The following RGS20 variants were observed in gnomAD, a reference collection of about 807,000 sequenced individuals.
RGS20 encodes the protein gz-selective GTPase-activating protein.
RGS20 carries 30 observed loss-of-function variants against 33.6 expected under a neutral mutation model. That is an observed-to-expected ratio of 0.89 (90% CI 0.67 to 1.21). The LOEUF (loss-of-function observed/expected upper bound fraction) is 1.21, where lower values mean the gene tolerates loss of function less well. Among genes scored for constraint, RGS20 ranks in the 50% most tolerant of loss-of-function variants. The pLI is 0.00. For missense variants in RGS20, 472 were observed against 502.4 expected (o/e 0.94, Z 0.58); for synonymous variants, 208 against 197.9 (o/e 1.05, Z -0.43).
intron 2 of RGS20, among the ~76,000 whole-genome samples, chr8:53,892,064 C>T (rs1446036810): frequency 2.0e-5 from 3 of 152,044 alleles, no homozygotes; most frequent in Admixed American, 6.6e-5. Flanking sequence ...CAACAGTCCC[C>T]GGAGTGTGAT....
chr8:53,875,452 CA>C (rs1563350709), intron 1 of RGS20, among the ~76,000 whole-genome samples: 1 of 142,218 alleles, frequency 7.0e-6, no homozygotes, highest in Non-Finnish European at 1.5e-5. Context: ...AAAAAAAAAC[CA>C]AAAAAACCAA....
At chr8:53,900,983 A>G (rs1213424391) in intron 2 of RGS20, among the ~76,000 whole-genome samples, 1 of 150,170 alleles carries the variant, frequency 6.7e-6, no homozygotes, top group Non-Finnish European at 1.5e-5. Flanking sequence ...ACACTCCTCC[A>G]CACCCCTCAC....
chr8:53,884,285 TC>T (rs1269917975), intron 2 of RGS20, among the ~76,000 whole-genome samples: 2 of 141,034 alleles, frequency 1.4e-5, no homozygotes, highest in Non-Finnish European at 3.0e-5. Context: ...ACCCTTGAAC[TC>T]CCAGATTCAA....
At chr8:53,921,724 T>A (rs1813653952) in intron 2 of RGS20, among the ~76,000 whole-genome samples, 1 of 152,142 alleles carries the variant, frequency 6.6e-6, no homozygotes, top group Non-Finnish European at 1.5e-5. Flanking sequence ...TTTTGGTAAT[T>A]TGAGTCTTCA....
intron 2 of RGS20, among the ~76,000 whole-genome samples, chr8:53,905,195 A>G (rs1267837573): frequency 6.6e-6 from 1 of 152,238 alleles, no homozygotes; most frequent in East Asian, 1.9e-4. Flanking sequence ...GACTTCCCCT[A>G]CTAGAAAACA....
chr8:53,923,118 G>A (rs1733333443), intron 2 of RGS20, among the ~76,000 whole-genome samples: 1 of 151,924 alleles, frequency 6.6e-6, no homozygotes, highest in Non-Finnish European at 1.5e-5. Flanking sequence ...TACTACTGCT[G>A]TACATATTAA....
intron 2 of RGS20, among the ~76,000 whole-genome samples, chr8:53,917,057 T>A (rs1411373517): frequency 2.6e-5 from 4 of 152,192 alleles, no homozygotes. Flanking sequence ...GACATAAACA[T>A]TCAGTCTGTA....
intron 1 of RGS20, among the ~76,000 whole-genome samples, chr8:53,873,106 C>T (rs951746214): frequency 2.0e-5 from 3 of 152,046 alleles, no homozygotes; most frequent in South Asian, 2.1e-4. Flanking sequence ...TGTTTAAAAA[C>T]ATGTAGTACT....
At chr8:53,898,025 G>A (rs1037599342) in intron 2 of RGS20, among the ~76,000 whole-genome samples, 12 of 152,074 alleles carry the variant, frequency 7.9e-5, no homozygotes, top group Non-Finnish European at 1.6e-4. Context: ...TGTCCACTCC[G>A]GGCCATACTT....
chr8:53,943,805 TGCTTACAAAAGAA>T (rs1814378183), intron 3 of RGS20, among the ~76,000 whole-genome samples: 1 of 152,190 alleles, frequency 6.6e-6, no homozygotes, highest in Non-Finnish European at 1.5e-5. Context: ...TAATGTGTTT[TGCTTACAAAAGAA>T]GCCTCGGAAG....
At chr8:53,894,157 C>A (rs1324114787) in intron 2 of RGS20, among the ~76,000 whole-genome samples, 4 of 152,146 alleles carry the variant, frequency 2.6e-5, no homozygotes, top group Non-Finnish European at 5.9e-5. Context: ...TGTCCTGGGT[C>A]TCTGTGTCCA....
intron 1 of RGS20, among the ~76,000 whole-genome samples, chr8:53,871,101 A>C (rs1360263465): frequency 2.5e-5 from 3 of 119,376 alleles, no homozygotes; most frequent in Non-Finnish European, 4.8e-5. Flanking sequence ...ACAGAGTGAG[A>C]CTCCATCTCA....
chr8:53,878,886 A>G (rs1406546027), intron 1 of RGS20, among the ~76,000 whole-genome samples: 1 of 152,162 alleles, frequency 6.6e-6, no homozygotes, highest in Non-Finnish European at 1.5e-5. Context: ...ATTCTGAAGA[A>G]CCAGGCGATG....
At chr8:53,934,560 CT>C (rs370114798) in intron 2 of RGS20, among the ~76,000 whole-genome samples, 222 of 152,284 alleles carry the variant, frequency 1.5e-3, no homozygotes, top group African/African-American at 5.1e-3. Context: ...GAAGAGATAA[CT>C]ATCCTAAACA....
chr8:53,924,573 C>T (rs1401387237), intron 2 of RGS20, among the ~76,000 whole-genome samples: 1 of 152,170 alleles, frequency 6.6e-6, no homozygotes, highest in African/African-American at 2.4e-5. Flanking sequence ...ATCCTCCTAC[C>T]TCTGCCTCCC....
At chr8:53,879,869 C>A (rs945985370) in intron 2 of RGS20, 4 of 401,134 alleles carry the variant, frequency 1.0e-5, no homozygotes, top group Non-Finnish European at 1.7e-5. Context: ...CGGGAGGGAG[C>A]CCTCGCTCTT....
In RGS20 at chr8:53,881,097, G is replaced by T; in HGVS notation, c.510+1495G>T. On this transcript the variant is annotated intron_variant, in intron 2 of 5. Transcript: ENST00000297313. ...GGACGGTGGGCTCGTGAGTATCCCA[G>T]TTCCTCGAACTCTCTTTCTTCGTCT... is the stretch of plus-strand genomic sequence containing the variant. The T allele has an allele frequency of 6.6e-7, 1 of 1,507,904 alleles. No homozygotes were observed. The highest frequency in any genetic ancestry group is 8.8e-7 in the Non-Finnish European group (1 of 1,137,196). 93.4% of individuals were successfully genotyped at this position (1,507,904 alleles called of 1,614,324 possible). A position where few individuals can be genotyped will look rare whatever the true frequency, so the allele number is the denominator to read the frequency against.
At chr8:53,872,351 C>T (rs1423704626) in intron 1 of RGS20, among the ~76,000 whole-genome samples, 1 of 152,162 alleles carries the variant, frequency 6.6e-6, no homozygotes, top group African/African-American at 2.4e-5. Flanking sequence ...AAAAACCTCT[C>T]AATGATTTCC....
chr8:53,856,825 CTGTTCCAGACA>C lies in RGS20; in HGVS notation c.165+4765_165+4775del, dbSNP rs573679305. Among the ~76,000 whole-genome samples the C allele has an allele frequency of 1.4e-3, 213 of 152,308 alleles. 2 individuals carry two copies. Among genetic ancestry groups the C allele is most frequent in the African/African-American group, 4.6e-3 (192 of 41,570 alleles). ...AAAGTGTGGGCTTCTGAGTGCTCTG[CTGTTCCAGACA>C]TGTGATCCCTTGAGCAGCTGATCAA... On this transcript the variant is annotated intron_variant, in intron 1 of 5. Coordinates refer to ENST00000297313, the MANE Select transcript of RGS20 (RefSeq NM_170587.4).
Sources: gnomAD v4.1 joint callset for allele counts (sites outside exome capture counted in the v4.1 genomes callset) on GRCh38, gnomAD v4.1.1 for gene constraint, MANE v1.5 for transcripts, NCBI Gene and HGNC (gene_info 2026-07-23, HGNC 2026-07-21) for gene names.